Variants in CBX7 observed in about 807,000 individuals in gnomAD.
The protein encoded by CBX7 is chromobox 7, also known as chromobox protein homolog 7.
Under a neutral mutation model 31.4 loss-of-function variants are expected in CBX7, and 14 were observed. That is an observed-to-expected ratio of 0.45 (90% CI 0.29 to 0.70). The LOEUF is 0.70. CBX7 is among the 30% of genes least tolerant of loss of function. The pLI, the probability that CBX7 is intolerant of heterozygous loss-of-function variation, is 0.11. For missense variants in CBX7, 269 were observed against 351.9 expected (o/e 0.76, Z 1.89); for synonymous variants, 159 against 152.6 (o/e 1.04, Z -0.31).
rs758146729 is a variant in CBX7 at position 39,149,826 on chromosome 22, C to T, written c.76G>A (p.Val26Ile). ...CCTTTCCACTTCACCAGATACTCGA[C>T]TTTACCCTGAGAAGAGAGAGAAGCA... is the stretch of plus-strand genomic sequence containing the variant. ...IRKKRVRKGK[V>I]EYLVKWKGWP... is the part of the protein sequence containing the mutation. Residue 26 changes from valine (V) to isoleucine (I), a missense_variant, in exon 2 of 6, where the codon GTC becomes ATC. Around this residue, in one of 2 missense-constraint regions of CBX7, gnomAD observed 47 missense variants for 111.5 expected, o/e 0.42. Coordinates refer to ENST00000216133, the MANE Select transcript of CBX7 (RefSeq NM_175709.5). 6 of 1,613,914 alleles carry T rather than the reference C, an allele frequency of 3.7e-6. No homozygotes were observed. Among genetic ancestry groups the T allele is most frequent in the Non-Finnish European group, 5.1e-6 (6 of 1,179,862 alleles).
In CBX7 at chr22:39,130,856, G is replaced by C. The variant is rs756420830; in HGVS notation, c.*3035C>G. ...AGATAAATCATCTAAATAAATAGAT[G>C]CTATACAGTCTCTTACCAATGTCAG... On this transcript the variant is annotated 3_prime_UTR_variant, in exon 6 of 6. Coordinates refer to ENST00000216133, the MANE Select transcript of CBX7 (RefSeq NM_175709.5). The C allele has an allele frequency of 9.2e-5, 14 of 152,348 alleles. No individual in the cohort carries two copies. Among genetic ancestry groups the C allele is most frequent in the Non-Finnish European group, 1.8e-4 (12 of 68,004 alleles). 9.4% of individuals were successfully genotyped at this position (152,348 alleles called of 1,614,324 possible).
intron 4 of CBX7, chr22:39,135,388 C>T (rs1930217051): frequency 6.6e-6 from 1 of 152,292 alleles, no homozygotes; most frequent in African/African-American, 2.4e-5. Flanking sequence ...TCTGTCCACC[C>T]CTGGAGTTTG....
chr22:39,131,532 C>G lies in CBX7; in HGVS notation c.*2359G>C, dbSNP rs1420731730. ...CCCCCAGGGAGCTGGCTCACTACAGCCCATGAGCCACCTGGCTGCCCTGAG... is the reference window on the plus strand; with the variant it reads ...CCCCCAGGGAGCTGGCTCACTACAGGCCATGAGCCACCTGGCTGCCCTGAG... On this transcript the variant is annotated 3_prime_UTR_variant, in exon 6 of 6. Transcript: ENST00000216133. The G allele has an allele frequency of 6.6e-6, 1 of 152,588 alleles. No homozygotes were observed. The highest frequency in any genetic ancestry group is 6.5e-5 in the Admixed American group (1 of 15,286). The allele number at this position is 152,588 out of a possible 1,614,324, so 9.5% of individuals were successfully genotyped here.
At chr22:39,145,711 C>T (rs1003398432) in intron 2 of CBX7, among the ~76,000 whole-genome samples, 2 of 146,332 alleles carry the variant, frequency 1.4e-5, no homozygotes, top group African/African-American at 5.2e-5. Flanking sequence ...GGATTACCGG[C>T]AAACCGAGGG....
rs1035509590 is a variant in CBX7, at chr22:39,134,197, A to G, written c.599-149T>C. ...AGGGCTGGACACTTGGGAGGAGGGC[A>G]CTGGGTGCATCCTCCCCACCTAGAC... On this transcript the variant is annotated intron_variant, in intron 5 of 5. Transcript: ENST00000216133. 9 of 886,114 alleles carry G rather than the reference A, an allele frequency of 1.0e-5. No homozygotes were observed. The African/African-American group carries it at 1.5e-4, about 15-fold the overall frequency. The allele number at this position is 886,114 out of a possible 1,614,324, so 54.9% of individuals were successfully genotyped here. A position where few individuals can be genotyped will look rare whatever the true frequency, so the allele number is the denominator to read the frequency against.
intron 2 of CBX7, chr22:39,149,206 A>T (rs1930767190): frequency 6.6e-6 from 1 of 152,658 alleles, no homozygotes; most frequent in Non-Finnish European, 1.5e-5. Context: ...GGCCTAGTTC[A>T]AGTCCCAACT....
chr22:39,151,683 G>A (rs1252320565), intron 1 of CBX7, among the ~76,000 whole-genome samples: 2 of 152,182 alleles, frequency 1.3e-5, no homozygotes, highest in South Asian at 2.1e-4. Context: ...CGCCAGGCCC[G>A]GACAAAGTCT....
At chr22:39,147,285 G>A (rs1930696220) in intron 2 of CBX7, 1 of 151,654 alleles carries the variant, frequency 6.6e-6, no homozygotes, top group Non-Finnish European at 1.5e-5. Context: ...AGGCTGGTCT[G>A]GAACTCCTGA....
At chr22:39,135,177 C>G (rs1930207842) in intron 4 of CBX7, 1 of 168,256 alleles carries the variant, frequency 5.9e-6, no homozygotes, top group Non-Finnish European at 1.3e-5. Context: ...AGGCAGAGGG[C>G]CAAGGTGTGC....
rs765884458 is a variant in CBX7 at position 39,134,444 on chromosome 22, C to A, written c.555G>T (p.Ala185=). 6.2e-7 allele frequency: 1 copy of A among 1,605,222 alleles called. No individual in the cohort carries two copies. The highest frequency in any genetic ancestry group is 1.1e-5 in the South Asian group (1 of 90,984). The change falls in exon 5 of 6, where the codon GCG becomes GCT. Residue 185 remains alanine, a synonymous_variant. Coordinates refer to ENST00000216133, the MANE Select transcript of CBX7 (RefSeq NM_175709.5). ...QEPPAPDVLQ[A]AGEWEPAAQP... The stretch of plus-strand genomic sequence containing the variant: ...GCGCAGCAGGCTCCCACTCGCCAGC[C>A]GCCTGCAGGACGTCTGGGGCCGGTG...
chr22:39,141,744 A>T (rs995435170), intron 2 of CBX7, among the ~76,000 whole-genome samples: 2 of 122,934 alleles, frequency 1.6e-5, no homozygotes, highest in African/African-American at 6.2e-5. Context: ...GTAAGACTCT[A>T]AAAAAAAAAA....
At chr22:39,143,552 G>A (rs1383028371) in intron 2 of CBX7, among the ~76,000 whole-genome samples, 1 of 152,194 alleles carries the variant, frequency 6.6e-6, no homozygotes, top group Non-Finnish European at 1.5e-5. Context: ...AAATATTTCT[G>A]CATAAGTTAG....
At chr22:39,145,530 C>T (rs549407365) in intron 2 of CBX7, among the ~76,000 whole-genome samples, 1 of 152,100 alleles carries the variant, frequency 6.6e-6, no homozygotes, top group Non-Finnish European at 1.5e-5. Flanking sequence ...GGGACACGCT[C>T]GTTGCCTGGG....
At chr22:39,149,572 G>C in intron 2 of CBX7, 1 of 581,074 alleles carries the variant, frequency 1.7e-6, no homozygotes, top group East Asian at 2.9e-5. Flanking sequence ...CACTCAGGAG[G>C]GCAGGGTGAG....
At chr22:39,139,430 C>G (rs896568381) in intron 3 of CBX7, among the ~76,000 whole-genome samples, 7 of 152,050 alleles carry the variant, frequency 4.6e-5, no homozygotes, top group Non-Finnish European at 8.8e-5. Context: ...CAGCCAGGCA[C>G]GGTGGCTCAC....
chr22:39,144,773 TCA>T (rs1460351158), intron 2 of CBX7, among the ~76,000 whole-genome samples: 1 of 152,214 alleles, frequency 6.6e-6, no homozygotes, highest in Non-Finnish European at 1.5e-5. Context: ...TCTCTGAACT[TCA>T]GTTTCCTCAT....
Position 39,133,740 on chromosome 22 carries a change from A to G in CBX7, c.*151T>C. 1 of 704,158 alleles carries G rather than the reference A, an allele frequency of 1.4e-6. No homozygotes were observed. The highest frequency in any genetic ancestry group is 2.2e-6 in the Non-Finnish European group (1 of 455,344). 43.6% of individuals were successfully genotyped at this position (704,158 alleles called of 1,614,324 possible). On this transcript the variant is annotated 3_prime_UTR_variant, in exon 6 of 6. Coordinates refer to ENST00000216133, the MANE Select transcript of CBX7 (RefSeq NM_175709.5). ...GGTAAACGTCCCTCAGAGAAAGGGC[A>G]GGTGGTGGGAGAGTAGTGGGATCTT...
chr22:39,140,266 A>G (rs915281027), intron 3 of CBX7, among the ~76,000 whole-genome samples: 1 of 152,192 alleles, frequency 6.6e-6, no homozygotes, highest in Non-Finnish European at 1.5e-5. Context: ...CCAAAGGGAA[A>G]GTGTCCCTGG....
chr22:39,148,928 C>T (rs1411662312), intron 2 of CBX7: 1 of 152,536 alleles, frequency 6.6e-6, no homozygotes, highest in Admixed American at 6.5e-5. Flanking sequence ...AGTCCCTGCC[C>T]GACAGCAGCA....
Sources: allele counts gnomAD v4.1 joint callset (sites outside exome capture counted in the v4.1 genomes callset), GRCh38; gene constraint gnomAD v4.1.1; regional missense constraint gnomAD v4.1.1; transcripts MANE v1.5; gene names NCBI Gene and HGNC (gene_info 2026-07-23, HGNC 2026-07-21).